USP35: variants seen among roughly 807,000 people sequenced by gnomAD.
USP35 encodes the protein ubiquitin specific peptidase 35.
Under a neutral mutation model 83.8 loss-of-function variants are expected in USP35, and 69 were observed. The ratio of observed to expected loss-of-function variants is 0.82; its 90% CI spans 0.68 to 1.01. The LOEUF is 1.01. Ranked by LOEUF, USP35 falls within the 50% of genes least tolerant of loss-of-function variation. The pLI is 0.00. For synonymous variants in USP35, 714 were observed against 589.5 expected, an observed-to-expected ratio of 1.21 and a Z score of -3.06; for missense variants, 1,503 against 1,362.5, an observed-to-expected ratio of 1.10 and a Z score of -1.62.
rs370422514 is a variant in USP35, at chr11:78,200,732, C to A, written c.1121C>A (p.Ala374Glu). The change falls in exon 6 of 11, where the codon GCG (alanine) becomes GAG (glutamate). Residue 374 changes from alanine (A) to glutamate (E), a missense_variant. Ala to Glu is a moderately radical substitution (Grantham distance 107). Transcript: ENST00000529308. ...GGGACCAGCTGCCTGGAGCAGCTGG[C>A]GGAGCTGGTCCACTGCATGGTGTTC... The part of the protein sequence containing the change: ...NSGTSCLEQL[A>E]ELVHCMVFRF... 1 of 1,614,128 alleles carries A rather than the reference C, an allele frequency of 6.2e-7. No individual in the cohort carries two copies. Among genetic ancestry groups the A allele is most frequent in the Admixed American group, 1.7e-5 (1 of 60,018 alleles).
chr11:78,212,626 C>T (rs182850050), intron 10 of USP35, among the ~76,000 whole-genome samples: 34 of 152,122 alleles, frequency 2.2e-4, no homozygotes, highest in African/African-American at 8.0e-4. Flanking sequence ...TAGCTGTATT[C>T]CTAGGTATTT....
In USP35 at chr11:78,214,108, T is replaced by C. The variant is rs1338683872; in HGVS notation, c.*295T>C. On this transcript the variant is annotated 3_prime_UTR_variant, in exon 11 of 11. Transcript: ENST00000529308. ...CCCTCCTTCCCTAGCAGGCTCCCCATGCGGGAAGATCTGATGATGTTCAGG... is the reference window on the plus strand; with the variant it reads ...CCCTCCTTCCCTAGCAGGCTCCCCACGCGGGAAGATCTGATGATGTTCAGG... The C allele has an allele frequency of 3.2e-6, 1 of 314,960 alleles. No homozygotes were observed. Among genetic ancestry groups the C allele is most frequent in the Non-Finnish European group, 5.8e-6 (1 of 172,746 alleles). 19.5% of individuals were successfully genotyped at this position (314,960 alleles called of 1,614,324 possible). A position where few individuals can be genotyped will look rare whatever the true frequency, so the allele number is the denominator to read the frequency against.
At chr11:78,221,777 T>C in the USP35 span, 1 of 1,609,160 alleles carries the variant, frequency 6.2e-7, no homozygotes, top group Non-Finnish European at 8.5e-7. Context: ...GTTGAAGGTG[T>C]GGCTGTTGTG....
In USP35 at chr11:78,207,572, G is replaced by A; in HGVS notation, c.1434G>A (p.Gln478=). ...CVLRLTENNS[Q]PLMTKLQWLF... is the part of the protein sequence containing the mutation. ...TCCGCTTGACTGAGAACAACTCACA[G>A]CCCCTGATGACCAAGCTGCAGTGGC... The change falls in exon 8 of 11, where the codon CAG becomes CAA. Residue 478 remains glutamine, a synonymous_variant. Coordinates refer to ENST00000529308, the MANE Select transcript of USP35 (RefSeq NM_020798.4). 6.2e-7 allele frequency: 1 copy of A among 1,614,176 alleles called. No homozygotes were observed. The highest frequency in any genetic ancestry group is 8.5e-7 in the Non-Finnish European group (1 of 1,180,024).
chr11:78,197,656 G>A (rs781358916), intron 2 of USP35, among the ~76,000 whole-genome samples: 12 of 152,144 alleles, frequency 7.9e-5, no homozygotes, highest in Non-Finnish European at 1.6e-4. Context: ...CTTCTCTAGC[G>A]CCAGCGTTTC....
chr11:78,214,386 G>A lies in USP35; in HGVS notation c.*573G>A, dbSNP rs1392827852. 2 of 134,506 alleles carry A rather than the reference G, an allele frequency of 1.5e-5. 1 individual carries two copies. The highest frequency in any genetic ancestry group is 3.3e-5 in the Non-Finnish European group (2 of 60,072). 8.3% of individuals were successfully genotyped at this position (134,506 alleles called of 1,614,324 possible). A position where few individuals can be genotyped will look rare whatever the true frequency, so the allele number is the denominator to read the frequency against. ...GCGCCACTGCATGGTTTTGGGGGGG[G>A]GGGCGGGGGGCTAGCTTCTCACAGC... On this transcript the variant is annotated 3_prime_UTR_variant, in exon 11 of 11. Coordinates refer to ENST00000529308, the MANE Select transcript of USP35 (RefSeq NM_020798.4).
At chr11:78,200,567 T>C in intron 5 of USP35, 83 bp from the exon 6 acceptor site, 1 of 1,524,410 alleles carries the variant, frequency 6.6e-7, no homozygotes, top group Non-Finnish European at 8.8e-7. Flanking sequence ...TCAGAGAGTG[T>C]TGCGTGCTGT....
In USP35 at chr11:78,205,930, A is replaced by C. The variant is rs758526604; in HGVS notation, c.1286A>C (p.Tyr429Ser). Residue 429 changes from tyrosine (Y) to serine (S), a missense_variant, in exon 7 of 11, where the codon TAT becomes TCT. Tyr to Ser is a moderately radical substitution (Grantham distance 144, BLOSUM62 -2). Transcript: ENST00000529308. ...TSQKSELAGFYPRLMAKSDTG... is the reference protein window; with the variant it reads ...TSQKSELAGFSPRLMAKSDTG... ...CAGAAGAGCGAGCTGGCGGGTTTCT[A>C]TCCCCGGCTCATGGCCAAGTCAGAC... The C allele has an allele frequency of 1.2e-6, 2 of 1,614,114 alleles. No homozygotes were observed. The highest frequency in any genetic ancestry group is 1.7e-6 in the Non-Finnish European group (2 of 1,180,044).
chr11:78,215,488 A>C (rs1340721293), downstream of USP35: 4 of 152,686 alleles, frequency 2.6e-5, no homozygotes, highest in Non-Finnish European at 5.9e-5. Flanking sequence ...TAATAACTTA[A>C]GTGATTAGGC....
At position 78,213,145 on chromosome 11, in the gene USP35, G is replaced by T. The variant is rs113341882; in HGVS notation, c.2890-501G>T. ...TCCCCAAGGACACAGCCTATGTGCT[G>T]TTTTACCAGCAGCAGCCCAGGGAGG... On this transcript the variant is annotated intron_variant, in intron 10 of 10. Coordinates refer to ENST00000529308, the MANE Select transcript of USP35 (RefSeq NM_020798.4). Among the ~76,000 whole-genome samples the T allele has an allele frequency of 2.9e-3, 435 of 152,350 alleles. 1 individual carries two copies. Among genetic ancestry groups the T allele is most frequent in the African/African-American group, 9.7e-3 (403 of 41,574 alleles).
At chr11:78,221,640 T>G in the USP35 span, 1 of 1,370,254 alleles carries the variant, frequency 7.3e-7, no homozygotes, top group Non-Finnish European at 1.0e-6. Flanking sequence ...CCAGGGGACT[T>G]GAAAGGCGTC....
At chr11:78,226,995 G>C in the USP35 span, 5 of 1,613,582 alleles carry the variant, frequency 3.1e-6, no homozygotes, top group Non-Finnish European at 3.4e-6. Flanking sequence ...TTTTTGTACA[G>C]CTGTGTCACT....
intron 6 of USP35, among the ~76,000 whole-genome samples, chr11:78,201,922 C>T (rs1863371711): frequency 6.6e-6 from 1 of 152,088 alleles, no homozygotes; most frequent in South Asian, 2.1e-4. Flanking sequence ...TTTGATCTGA[C>T]TTTTACATCT....
intron 1 of USP35, among the ~76,000 whole-genome samples, chr11:78,191,543 C>T (rs12576116): frequency 4.6e-5 from 7 of 152,122 alleles, no homozygotes; most frequent in South Asian, 4.1e-4. Flanking sequence ...GGGCTAGACT[C>T]GAAGCCTGGA....
chr11:78,208,175 C>T (rs1863594515), intron 8 of USP35, among the ~76,000 whole-genome samples: 2 of 152,174 alleles, frequency 1.3e-5, no homozygotes, highest in Admixed American at 1.3e-4. Context: ...TAATACATTC[C>T]TGAGGGCAGA....
chr11:78,208,870 C>A lies in USP35; in HGVS notation c.1499C>A (p.Ser500Tyr). 1 of 1,614,190 alleles carries A rather than the reference C, an allele frequency of 6.2e-7. No individual in the cohort carries two copies. The highest frequency in any genetic ancestry group is 8.5e-7 in the Non-Finnish European group (1 of 1,180,020). The stretch of plus-strand genomic sequence containing the variant: ...GCCTTGTCCTAGCGGCCTGCCATTT[C>A]CCCAGAGAACTTCCTCTCCGCATCC... The part of the protein sequence containing the change: ...FLEHSQRPAI[S>Y]PENFLSASWT... The change falls in exon 9 of 11, where the codon TCC becomes TAC. Residue 500 changes from serine to tyrosine, a missense_variant. By Grantham distance (144) the Ser-to-Tyr change is moderately radical. Coordinates refer to ENST00000529308, the MANE Select transcript of USP35 (RefSeq NM_020798.4).
chr11:78,191,398 G>A (rs768060949), intron 1 of USP35, among the ~76,000 whole-genome samples: 39 of 152,378 alleles, frequency 2.6e-4, no homozygotes, highest in Non-Finnish European at 4.0e-4. Flanking sequence ...CCAGTAGGGC[G>A]AGGGGTATGA....
rs759128605 is a variant in USP35, at chr11:78,200,791, G to T, written c.1180G>T (p.Val394Phe). 7 of 1,609,544 alleles carry T rather than the reference G, an allele frequency of 4.3e-6. No homozygotes were observed. The South Asian group carries it at 6.6e-5, about 15-fold the overall frequency. ...GGGCTTCCCGGATCTGTATGAGCCT[G>T]TCATGGAGGCCATCAAGGTGAGCGA... ...FPGFPDLYEP[V>F]MEAIKDLHVP... Residue 394 changes from valine to phenylalanine, a missense_variant, in exon 6 of 11, where the codon GTC becomes TTC. Physicochemically the swap from Val to Phe is conservative, Grantham distance 50. Transcript: ENST00000529308.
chr11:78,231,336 G>GTGT, the USP35 span, among the ~76,000 whole-genome samples: 130 of 145,896 alleles, frequency 8.9e-4, no homozygotes, highest in African/African-American at 3.2e-3. Context: ...GCGCGTGTGT[G>GTGT]GTGTGTGTGT....
Sources: allele counts gnomAD v4.1 joint callset (sites outside exome capture counted in the v4.1 genomes callset), GRCh38; gene constraint gnomAD v4.1.1; transcripts MANE v1.5; gene names NCBI Gene and HGNC (gene_info 2026-07-23, HGNC 2026-07-21).